RAPGEF1: variants seen among roughly 807,000 people sequenced by gnomAD.
RAPGEF1 encodes the protein Rap guanine nucleotide exchange factor 1, also known as CRK SH3-binding GNRP.
RAPGEF1 carries 33 observed loss-of-function variants against 143.3 expected under a neutral mutation model. That is an observed-to-expected ratio of 0.23 (90% confidence interval 0.17 to 0.31). The LOEUF (loss-of-function observed/expected upper bound fraction) is 0.31. Ranked by LOEUF, RAPGEF1 falls within the 10% of genes least tolerant of loss-of-function variation. The pLI is 1.00. For synonymous variants in RAPGEF1, 629 were observed against 676.5 expected (o/e 0.93, Z 1.09); for missense variants, 1,199 against 1,645.4 (o/e 0.73, Z 4.69).
chr9:131,737,087 A>G (rs1383088839), intron 1 of RAPGEF1, among the ~76,000 whole-genome samples: 2 of 152,152 alleles, frequency 1.3e-5, no homozygotes, highest in African/African-American at 2.4e-5. Context: ...ATCTTTCACT[A>G]TGATTCCTAT....
At position 131,587,842 on chromosome 9, in the gene RAPGEF1, A is replaced by G. The variant is rs1397578084; in HGVS notation, c.3139-12T>C. On this transcript the variant is annotated splice_polypyrimidine_tract_variant and intron_variant, in intron 21 of 26. Coordinates refer to ENST00000683357, the MANE Select transcript of RAPGEF1 (RefSeq NM_001377935.1). ...AAAACCTCAGGAATCTACAAAAGGA[A>G]AGAAGGCAGATGGAGGTGGAGCCCC... is the stretch of plus-strand genomic sequence containing the variant. 1 of 1,612,358 alleles carries G rather than the reference A, an allele frequency of 6.2e-7. No homozygotes were observed. The highest frequency in any genetic ancestry group is 8.5e-7 in the Non-Finnish European group (1 of 1,179,084).
rs544481933 is a variant in RAPGEF1, at chr9:131,656,695, A to G, written c.62-5746T>C. On this transcript the variant is annotated intron_variant, in intron 1 of 26. Transcript: ENST00000683357. ...ACTGCGCCGTCATGACCACGGCGGA[A>G]CTGGGGTAGACAAGTGAGGTGTAGA... Among the ~76,000 whole-genome samples, 18 of 152,336 alleles carry G rather than the reference A, an allele frequency of 1.2e-4. No homozygotes were observed. The South Asian group carries it at 1.9e-3, about 16-fold the overall frequency.
At chr9:131,587,571 CCT>C (rs768174627) in intron 22 of RAPGEF1, among the ~76,000 whole-genome samples, 163 bp downstream of exon 22, 13 of 152,208 alleles carry the variant, frequency 8.5e-5, no homozygotes, top group Non-Finnish European at 1.8e-4. Context: ...TGTCCCTGCC[CCT>C]GTCCTCAGCC....
intron 1 of RAPGEF1, chr9:131,737,594 A>C: frequency 6.7e-7 from 1 of 1,502,074 alleles, no homozygotes; most frequent in Non-Finnish European, 8.9e-7. Flanking sequence ...CCCAAATAGC[A>C]GAGAACTCAA....
chr9:131,685,801 T>C (rs1476904887), intron 1 of RAPGEF1, among the ~76,000 whole-genome samples: 1 of 152,178 alleles, frequency 6.6e-6, no homozygotes, highest in Non-Finnish European at 1.5e-5. Flanking sequence ...CCGACCTAGC[T>C]GGTCTTGGCA....
chr9:131,615,976 C>A (rs1219345669), intron 12 of RAPGEF1, among the ~76,000 whole-genome samples: 1 of 152,144 alleles, frequency 6.6e-6, no homozygotes, highest in Non-Finnish European at 1.5e-5. Context: ...GGGATAAAAA[C>A]CATGACGTGG....
chr9:131,607,001 G>T (rs907616134), intron 12 of RAPGEF1, among the ~76,000 whole-genome samples: 2 of 152,120 alleles, frequency 1.3e-5, no homozygotes, highest in Admixed American at 1.3e-4. Flanking sequence ...CAACCCTCTC[G>T]TTTCCACCTG....
At position 131,583,629 on chromosome 9, in the gene RAPGEF1, C is replaced by T. The variant is rs1952232667; in HGVS notation, c.3414+682G>A. Among the ~76,000 whole-genome samples, 1 of 152,144 alleles carries T rather than the reference C, an allele frequency of 6.6e-6. No individual in the cohort carries two copies. Among genetic ancestry groups the T allele is most frequent in the South Asian group, 2.1e-4 (1 of 4,824 alleles). On this transcript the variant is annotated intron_variant, in intron 24 of 26. Coordinates refer to ENST00000683357, the MANE Select transcript of RAPGEF1 (RefSeq NM_001377935.1). The surrounding 1 kb of genome is among the most constrained non-coding windows in gnomAD (Gnocchi z 4.7). ...GACACTCAAAAGCCATGGGTTTTGC[C>T]CCCATTTGCAATATTATTTCCCTAC... is the stretch of plus-strand genomic sequence containing the variant.
intron 1 of RAPGEF1, among the ~76,000 whole-genome samples, chr9:131,670,146 T>TTCA (rs1831131223): frequency 6.6e-6 from 1 of 152,162 alleles, no homozygotes; most frequent in Non-Finnish European, 1.5e-5. Flanking sequence ...TCAGTTCTGC[T>TTCA]TCACACACCA....
rs1400518829 is a variant in RAPGEF1 at position 131,622,782 on chromosome 9, TTTGAGACAGAG to T, written c.1703-795_1703-785del. Among the ~76,000 whole-genome samples the T allele has an allele frequency of 3.5e-3, 534 of 151,538 alleles. 1 individual carries two copies. Among genetic ancestry groups the T allele is most frequent in the Non-Finnish European group, 5.9e-3 (401 of 67,936 alleles). The stretch of plus-strand genomic sequence containing the variant: ...TTGTCTCACACTTCCTTTTTTTTTT[TTTGAGACAGAG>T]TTTCGCTCTTGTTGCCCAGGCTGGA... On this transcript the variant is annotated intron_variant, in intron 10 of 26. Transcript: ENST00000683357.
intron 1 of RAPGEF1, among the ~76,000 whole-genome samples, chr9:131,688,485 G>C (rs1443444667): frequency 6.6e-6 from 1 of 152,092 alleles, no homozygotes; most frequent in African/African-American, 2.4e-5. Context: ...AAACGTACAA[G>C]GGCCTACATT....
At chr9:131,731,283 A>G (rs944995672) in intron 1 of RAPGEF1, among the ~76,000 whole-genome samples, 17 of 152,208 alleles carry the variant, frequency 1.1e-4, no homozygotes, top group Non-Finnish European at 1.8e-4. Context: ...AACATCAGCT[A>G]CTACTATTAT....
chr9:131,734,293 G>A (rs1367892594), intron 1 of RAPGEF1, among the ~76,000 whole-genome samples: 2 of 152,208 alleles, frequency 1.3e-5, no homozygotes, highest in African/African-American at 2.4e-5. Context: ...TAGCTGCCCT[G>A]AGGGGCAAAA....
chr9:131,666,909 C>G (rs1830523186), intron 1 of RAPGEF1, among the ~76,000 whole-genome samples: 2 of 152,292 alleles, frequency 1.3e-5, no homozygotes, highest in South Asian at 4.1e-4. Context: ...GGACATGAAG[C>G]AAAGAGCCTT....
At chr9:131,643,012 C>G (rs1968495615) in intron 4 of RAPGEF1, among the ~76,000 whole-genome samples, 1 of 152,152 alleles carries the variant, frequency 6.6e-6, no homozygotes, top group Admixed American at 6.5e-5. Context: ...TGGCCACATC[C>G]CTAGGGATGG....
chr9:131,597,399 G>A (rs1015305633), intron 16 of RAPGEF1, among the ~76,000 whole-genome samples: 1 of 152,204 alleles, frequency 6.6e-6, no homozygotes, highest in Non-Finnish European at 1.5e-5. Context: ...ACAGCCCAAG[G>A]CGCAGACACA....
intron 12 of RAPGEF1, among the ~76,000 whole-genome samples, chr9:131,614,405 C>T (rs998431052): frequency 1.3e-5 from 2 of 152,242 alleles, no homozygotes; most frequent in Admixed American, 6.5e-5. Context: ...TCCTCCTCTC[C>T]TCCCTTCTTC....
At chr9:131,646,970 C>A (rs1969819063) in intron 3 of RAPGEF1, among the ~76,000 whole-genome samples, 1 of 152,152 alleles carries the variant, frequency 6.6e-6, no homozygotes, top group African/African-American at 2.4e-5. Context: ...TTTCAGGAAT[C>A]CACCCAAGAG....
chr9:131,644,393 T>TAAA (rs34822352), intron 3 of RAPGEF1, among the ~76,000 whole-genome samples: 7 of 137,230 alleles, frequency 5.1e-5, no homozygotes, highest in African/African-American at 5.5e-5. Flanking sequence ...GGCTGTCCTT[T>TAAA]AAAAAAAAAA....
Sources: gnomAD v4.1 joint callset for allele counts (sites outside exome capture counted in the v4.1 genomes callset) on GRCh38, gnomAD v4.1.1 for gene constraint, Gnocchi (gnomAD v3.1) non-coding constraint, MANE v1.5 for transcripts, NCBI Gene and HGNC (gene_info 2026-07-23, HGNC 2026-07-21) for gene names.